The following PARP4 variants were observed in gnomAD, a reference collection of about 807,000 sequenced individuals.
PARP4 encodes protein mono-ADP-ribosyltransferase PARP4.
Under a neutral mutation model 187.7 loss-of-function variants are expected in PARP4, and 120 were observed. The observed-to-expected ratio is 0.64, with a 90% CI of 0.55 to 0.74. The LOEUF (loss-of-function observed/expected upper bound fraction) is 0.74. PARP4 is among the 30% of genes least tolerant of loss of function. PARP4 has a pLI of 0.00. For missense variants in PARP4, 1,836 were observed against 2,070.5 expected (o/e 0.89, Z 2.20); for synonymous variants, 654 against 740.9 (o/e 0.88, Z 1.90).
intron 17 of PARP4, among the ~76,000 whole-genome samples, chr13:24,460,482 G>C (rs1303179970): frequency 8.3e-6 from 1 of 119,806 alleles, no homozygotes; most frequent in Non-Finnish European, 1.7e-5. Context: ...GCACGGGTGG[G>C]CTCTGCTGCA....
chr13:24,434,747 T>C lies in PARP4; in HGVS notation c.4394A>G (p.Gln1465Arg), dbSNP rs769801380. The change falls in exon 31 of 34, where the codon CAA (glutamine) becomes CGA (arginine). Residue 1465 changes from glutamine (Q) to arginine (R), a missense_variant. By Grantham distance (43) the Gln-to-Arg change is conservative. Around this residue, in one of 8 missense-constraint regions of PARP4, gnomAD observed 450 missense variants for 439.2 expected, o/e 1.02. Coordinates refer to ENST00000381989, the MANE Select transcript of PARP4 (RefSeq NM_006437.4). Reference protein sequence around the residue: ...HPSASSPFHFQPSAASLTANL... With the variant: ...HPSASSPFHFRPSAASLTANL... ...GGCAGTCAAAGAGGCTGCGGAAGGT[T>C]GAAAATGAAAAGGAGAGGAAGCAGA... 1.9e-6 allele frequency: 3 copies of C among 1,613,528 alleles called. No homozygotes were observed. The Admixed American group carries it at 5.0e-5, about 27-fold the overall frequency.
chr13:24,487,975 G>C (rs1289071219), intron 10 of PARP4, among the ~76,000 whole-genome samples: 2 of 152,156 alleles, frequency 1.3e-5, no homozygotes, highest in Non-Finnish European at 2.9e-5. Context: ...TTTTAGAAAA[G>C]AACATGAGTT....
At chr13:24,489,498 A>AG (rs1482333227) in intron 10 of PARP4, among the ~76,000 whole-genome samples, 4 of 152,220 alleles carry the variant, frequency 2.6e-5, no homozygotes, top group South Asian at 2.1e-4. Flanking sequence ...GTCCCAGCTG[A>AG]GGGGGGTGGC....
intron 14 of PARP4, among the ~76,000 whole-genome samples, chr13:24,476,656 G>C (rs1374925098): frequency 6.6e-6 from 1 of 152,188 alleles, no homozygotes; most frequent in African/African-American, 2.4e-5. Flanking sequence ...AAAAACTGGA[G>C]TCACCCCTGA....
At chr13:24,427,372 T>TC (rs1373504081) in intron 32 of PARP4, among the ~76,000 whole-genome samples, 19 of 147,772 alleles carry the variant, frequency 1.3e-4, no homozygotes, top group South Asian at 2.1e-4. Flanking sequence ...CCAAGCTTCT[T>TC]TTTTTTTTTT....
chr13:24,505,502 G>C lies in PARP4; in HGVS notation c.-1-1725C>G, dbSNP rs189455377. 1.3e-3 allele frequency among the ~76,000 whole-genome samples: 195 copies of C among 152,238 alleles called. 3 individuals carry two copies. In the East Asian group the frequency reaches 0.02, roughly 16 times the overall value. On this transcript the variant is annotated intron_variant, in intron 1 of 33. Coordinates refer to ENST00000381989, the MANE Select transcript of PARP4 (RefSeq NM_006437.4). ...CTTCAGATAAGCCTCTGTTGGCCTT[G>C]CGGTCAAGTGGTTAGGAAGGATGTT... is the stretch of plus-strand genomic sequence containing the variant.
intron 33 of PARP4, among the ~76,000 whole-genome samples, chr13:24,422,919 T>A (rs1869823778): frequency 6.6e-6 from 1 of 152,196 alleles, no homozygotes; most frequent in Non-Finnish European, 1.5e-5. Context: ...AAATTGTTTG[T>A]CTTATGTACT....
At chr13:24,504,214 G>GA (rs199838841) in intron 1 of PARP4, among the ~76,000 whole-genome samples, 1,590 of 151,312 alleles carry the variant, frequency 0.011, 26 homozygotes, top group African/African-American at 0.035. Flanking sequence ...CCATTCTGGG[G>GA]AAAAACTGAA....
chr13:24,446,290 A>C (rs566425542), intron 27 of PARP4, among the ~76,000 whole-genome samples: 19 of 152,228 alleles, frequency 1.2e-4, no homozygotes, highest in Non-Finnish European at 5.9e-5. Flanking sequence ...CAGATGAAGA[A>C]GTGCTGCATT....
chr13:24,445,629 C>T (rs1484815211), intron 27 of PARP4, among the ~76,000 whole-genome samples: 1 of 152,344 alleles, frequency 6.6e-6, no homozygotes, highest in Admixed American at 6.5e-5. Flanking sequence ...CTGTATACCT[C>T]TTCATCTGGC....
chr13:24,422,896 C>T lies in PARP4; in HGVS notation c.4980-1582G>A, dbSNP rs184652771. On this transcript the variant is annotated intron_variant, in intron 33 of 33. Coordinates refer to ENST00000381989, the MANE Select transcript of PARP4 (RefSeq NM_006437.4). ...TGCTGGAATTACAGCTGTGAGTCAC[C>T]GTGTCTGGCCTAAAATTGTTTGTCT... Among the ~76,000 whole-genome samples the T allele has an allele frequency of 1.2e-3, 177 of 152,194 alleles. 3 individuals carry two copies. In the East Asian group the frequency reaches 0.018, roughly 15 times the overall value.
Position 24,478,234 on chromosome 13 carries a change from G to A in PARP4, c.1491C>T (p.Thr497=), listed in dbSNP as rs764241692. The A allele has an allele frequency of 6.2e-7, 1 of 1,612,598 alleles. No individual in the cohort carries two copies. Among genetic ancestry groups the A allele is most frequent in the East Asian group, 2.2e-5 (1 of 44,842 alleles). Residue 497 remains threonine, a synonymous_variant, in exon 13 of 34, where the codon ACC becomes ACT. Transcript: ENST00000381989. ...CTACGTCACAAATGAGCAGGAGTCT[G>A]GTGCCATCTGTCTCTCCCGGGTGTG... is the stretch of plus-strand genomic sequence containing the variant. ...KYSHPGETDG[T]RLLLICDVAL...
intron 17 of PARP4, among the ~76,000 whole-genome samples, chr13:24,467,465 CT>C (rs1414419972): frequency 3.3e-5 from 5 of 152,152 alleles, no homozygotes; most frequent in African/African-American, 1.2e-4. Context: ...GAGACAGAAT[CT>C]TGCTCTGTTG....
chr13:24,461,195 G>A (rs1297065500), intron 17 of PARP4, among the ~76,000 whole-genome samples: 1 of 152,116 alleles, frequency 6.6e-6, no homozygotes, highest in Non-Finnish European at 1.5e-5. Flanking sequence ...GATTAATTTA[G>A]GCTTAAAGGT....
intron 6 of PARP4, among the ~76,000 whole-genome samples, 170 bp downstream of exon 6, chr13:24,497,946 A>T (rs962636376): frequency 6.6e-6 from 1 of 152,252 alleles, no homozygotes; most frequent in Non-Finnish European, 1.5e-5. Context: ...AGCTTTTTGC[A>T]CTGTGAGAAA....
In PARP4 at chr13:24,456,387, T is replaced by G. The variant is rs570620667; in HGVS notation, c.2516A>C (p.Tyr839Ser). The change falls in exon 21 of 34, where the codon TAT (tyrosine) becomes TCT (serine). Residue 839 changes from tyrosine (Y) to serine (S), a missense_variant. By Grantham distance (144) the Tyr-to-Ser change is moderately radical. Transcript: ENST00000381989. ...TTTTTCAACCCACATTCTTGGGAGA[T>G]AGGCAGCAGACAAACCGATGTGGAG... The part of the protein sequence containing the change: ...FSLHIGLSAA[Y>S]LPRMWVEKHP... 1.9e-6 allele frequency: 3 copies of G among 1,612,354 alleles called. No individual in the cohort carries two copies. In the South Asian group the frequency reaches 3.3e-5, roughly 18 times the overall value.
At chr13:24,497,187 C>T (rs1869004502) in intron 6 of PARP4, among the ~76,000 whole-genome samples, 1 of 146,420 alleles carries the variant, frequency 6.8e-6, no homozygotes, top group Non-Finnish European at 1.5e-5. Context: ...TGACCTGATA[C>T]TGACCTAGGG....
At chr13:24,453,060 A>G (rs9581053) in intron 23 of PARP4, among the ~76,000 whole-genome samples, 23,810 of 151,992 alleles carry the variant, frequency 0.16, 2,442 homozygotes, top group African/African-American at 0.28. Context: ...TCAGCCTTCC[A>G]AGTGGCTGGG....
Position 24,503,777 on chromosome 13 carries a change from C to T in PARP4, c.-1G>A. ...AATTTGCAAAGATTCCCATCACCAT[C>T]CTGTAGGAAAAAAAGTTTTTAAGGA... On this transcript the variant is annotated splice_region_variant and 5_prime_UTR_variant, in exon 2 of 34. Coordinates refer to ENST00000381989, the MANE Select transcript of PARP4 (RefSeq NM_006437.4). 1.2e-6 allele frequency: 2 copies of T among 1,613,272 alleles called. No individual in the cohort carries two copies. The highest frequency in any genetic ancestry group is 1.7e-6 in the Non-Finnish European group (2 of 1,179,586).
Sources: gnomAD v4.1 joint callset for allele counts (sites outside exome capture counted in the v4.1 genomes callset) on GRCh38, gnomAD v4.1.1 for gene constraint, gnomAD v4.1.1 regional missense constraint, MANE v1.5 for transcripts, NCBI Gene and HGNC (gene_info 2026-07-23, HGNC 2026-07-21) for gene names.